The following BYSL variants were observed in gnomAD, a reference collection of about 807,000 sequenced individuals.
BYSL encodes bystin.
Under a neutral mutation model 45.4 loss-of-function variants are expected in BYSL, and 21 were observed. That is an observed-to-expected ratio of 0.46 (90% CI 0.33 to 0.67). BYSL has a LOEUF of 0.67. Ranked by LOEUF, BYSL falls within the 30% of genes least tolerant of loss-of-function variation. BYSL has a pLI of 0.02. For synonymous variants in BYSL, 215 were observed against 231.3 expected, an observed-to-expected ratio of 0.93 and a Z score of 0.64; for missense variants, 522 against 578.5, an observed-to-expected ratio of 0.90 and a Z score of 1.00.
intron 4 of BYSL, 80 bp from the exon 5 acceptor site, chr6:41,931,316 C>A: frequency 6.6e-7 from 1 of 1,513,758 alleles, no homozygotes; most frequent in Non-Finnish European, 9.1e-7. Context: ...CTCTTGTATG[C>A]ACTATCCATG....
At position 41,932,277 on chromosome 6, in the gene BYSL, A is replaced by G; in HGVS notation, c.969-84A>G. On this transcript the variant is annotated intron_variant, in intron 6 of 6. Coordinates refer to ENST00000230340, the MANE Select transcript of BYSL (RefSeq NM_004053.4). The surrounding 1 kb of genome is among the most constrained non-coding windows in gnomAD (Gnocchi z 4.7). ...TAAGGGCCAGCAGAGGGGAAGAAAA[A>G]AAGGGGAAAGCATAGAGGGAGAAGT... 1 of 1,360,834 alleles carries G rather than the reference A, an allele frequency of 7.3e-7. No homozygotes were observed. The allele number at this position is 1,360,834 out of a possible 1,614,324, so 84.3% of individuals were successfully genotyped here. A position where few individuals can be genotyped will look rare whatever the true frequency, so the allele number is the denominator to read the frequency against.
chr6:41,909,426 G>A, the BYSL span: 1 of 1,614,214 alleles, frequency 6.2e-7, no homozygotes, highest in Non-Finnish European at 8.5e-7. Context: ...ATCAAAGTTG[G>A]TGTCAGCAAT....
chr6:41,922,438 G>A (rs915335805), intron 1 of BYSL, among the ~76,000 whole-genome samples: 1 of 152,188 alleles, frequency 6.6e-6, no homozygotes, highest in East Asian at 1.9e-4. Flanking sequence ...CACTAGGGAG[G>A]GAGTGTTGAC....
intron 1 of BYSL, among the ~76,000 whole-genome samples, chr6:41,926,213 G>T (rs1020263623): frequency 5.9e-5 from 9 of 152,124 alleles, no homozygotes; most frequent in African/African-American, 2.2e-4. Context: ...TCCTTTAAGT[G>T]CATATGTTGT....
chr6:41,920,769 T>TA (rs550959409), upstream of BYSL: 1,382 of 451,186 alleles, frequency 3.1e-3, 20 homozygotes, highest in South Asian at 0.034. Context: ...GACCCCGTCT[T>TA]AAAAAAAACA....
At chr6:41,930,033 G>A in intron 2 of BYSL, 99 bp from the exon 3 acceptor site, 1 of 1,468,412 alleles carries the variant, frequency 6.8e-7, no homozygotes, top group Non-Finnish European at 9.4e-7. Context: ...CAGTATGGCG[G>A]TGCTCACAGG....
chr6:41,921,317 TCAAAGA>T, upstream of BYSL: 6 of 610,006 alleles, frequency 9.8e-6, no homozygotes, highest in Non-Finnish European at 1.7e-5. Flanking sequence ...AGAGCGACAC[TCAAAGA>T]CTGCACTATT....
upstream of BYSL, chr6:41,920,950 T>C (rs1775448780): frequency 3.1e-5 from 50 of 1,592,180 alleles, 1 homozygote; most frequent in South Asian, 5.1e-4. Flanking sequence ...CAAGGTCCTC[T>C]TTCCGGCCTT....
chr6:41,918,585 G>A (rs1195908054), upstream of BYSL, among the ~76,000 whole-genome samples: 5 of 151,912 alleles, frequency 3.3e-5, no homozygotes, highest in Non-Finnish European at 2.9e-5. Flanking sequence ...AGGCCAAGGC[G>A]GGCAGATCAC....
At chr6:41,913,014 G>C in the BYSL span, 1 of 151,808 alleles carries the variant, frequency 6.6e-6, no homozygotes, top group Non-Finnish European at 1.5e-5. Context: ...GGATGCTGGG[G>C]CTGGAGGATC....
At chr6:41,909,186 AG>A in the BYSL span, 2 of 1,504,220 alleles carry the variant, frequency 1.3e-6, no homozygotes, top group African/African-American at 1.4e-5. Context: ...AAAAAAAAAA[AG>A]AGAAGAACTG....
the BYSL span, among the ~76,000 whole-genome samples, chr6:41,910,094 C>T: frequency 2.0e-5 from 3 of 152,048 alleles, no homozygotes; most frequent in African/African-American, 7.2e-5. Flanking sequence ...TCTACCATGC[C>T]TCAAGAAGTT....
the BYSL span, among the ~76,000 whole-genome samples, chr6:41,915,789 A>AACACACACACACACAC: frequency 3.7e-3 from 551 of 148,700 alleles, 2 homozygotes; most frequent in African/African-American, 7.5e-3. Context: ...TCCGTCTCAA[A>AACACACACACACACAC]ACACACACAC....
Position 41,931,509 on chromosome 6 carries a change from A to G in BYSL, c.818A>G (p.Tyr273Cys), listed in dbSNP as rs201427067. Residue 273 changes from tyrosine (Y) to cysteine (C), a missense_variant, in exon 5 of 7, where the codon TAC (tyrosine) becomes TGC (cysteine). Tyr to Cys is a radical substitution (Grantham distance 194, BLOSUM62 -2). Coordinates refer to ENST00000230340, the MANE Select transcript of BYSL (RefSeq NM_004053.4). ...TACAAACGACTCAACTTCCATCTCT[A>G]CATGGCTCTCAAGAAGGCCCTTTTC... ...AEYKRLNFHL[Y>C]MALKKALFKP... The G allele has an allele frequency of 5.5e-5, 89 of 1,614,232 alleles. No individual in the cohort carries two copies. Among genetic ancestry groups the G allele is most frequent in the Non-Finnish European group, 7.5e-5 (89 of 1,180,056 alleles).
intron 1 of BYSL, among the ~76,000 whole-genome samples, chr6:41,924,153 C>T (rs183555400): frequency 1.3e-4 from 19 of 151,948 alleles, no homozygotes; most frequent in Admixed American, 8.5e-4. Flanking sequence ...CTCCACCTCC[C>T]GGGTTCAAGC....
chr6:41,909,563 C>A, the BYSL span: 4 of 1,602,826 alleles, frequency 2.5e-6, no homozygotes, highest in Non-Finnish European at 3.4e-6. Flanking sequence ...AAGACTTTCA[C>A]TGGCAAACCC....
chr6:41,928,164 C>G (rs916090258), intron 2 of BYSL, among the ~76,000 whole-genome samples: 1 of 152,170 alleles, frequency 6.6e-6, no homozygotes, highest in African/African-American at 2.4e-5. Flanking sequence ...CCAAAACATG[C>G]AGGCATTTAG....
chr6:41,919,394 T>C (rs368030549), upstream of BYSL, among the ~76,000 whole-genome samples: 1 of 152,224 alleles, frequency 6.6e-6, no homozygotes, highest in African/African-American at 2.4e-5. Context: ...AAAACAGTCA[T>C]AGATGACATT....
intron 1 of BYSL, 103 bp downstream of exon 1, chr6:41,921,933 G>A: frequency 1.4e-6 from 2 of 1,436,894 alleles, no homozygotes; most frequent in East Asian, 5.0e-5. Flanking sequence ...GTCAACAAAG[G>A]GGTCCGTATT....
Sources: allele counts gnomAD v4.1 joint callset (sites outside exome capture counted in the v4.1 genomes callset), GRCh38; gene constraint gnomAD v4.1.1; non-coding constraint Gnocchi (gnomAD v3.1); transcripts MANE v1.5; gene names NCBI Gene and HGNC (gene_info 2026-07-23, HGNC 2026-07-21).